Variants in MAMDC2 observed in about 807,000 individuals in gnomAD.
The protein encoded by MAMDC2 is MAM domain containing 2, also known as MAM domain-containing protein 2.
In MAMDC2, 57 loss-of-function variants were observed where a neutral mutation model predicts 89.8. The ratio of observed to expected loss-of-function variants is 0.63; its 90% confidence interval spans 0.51 to 0.79. The LOEUF is 0.79. Among genes scored for constraint, MAMDC2 ranks in the 30% least tolerant of loss-of-function variants. The pLI is 0.00. For missense variants in MAMDC2, 800 were observed against 820.6 expected (o/e 0.97, Z 0.31); for synonymous variants, 313 against 293.4 (o/e 1.07, Z -0.68).
chr9:70,198,449 G>A (rs1184193254), intron 11 of MAMDC2, among the ~76,000 whole-genome samples: 2 of 151,992 alleles, frequency 1.3e-5, no homozygotes, highest in Non-Finnish European at 2.9e-5. Flanking sequence ...ATTAGTTTTA[G>A]TTGACCTGGA....
In MAMDC2 at chr9:70,113,049, A is replaced by G. The variant is rs772669965; in HGVS notation, c.560A>G (p.Asn187Ser). 1.1e-5 allele frequency: 17 copies of G among 1,614,022 alleles called. No homozygotes were observed. Among genetic ancestry groups the G allele is most frequent in the Admixed American group, 8.3e-5 (5 of 59,998 alleles). The change falls in exon 5 of 14, where the codon AAT (asparagine) becomes AGT (serine). Residue 187 changes from asparagine to serine, a missense_variant. Physicochemically the swap from Asn to Ser is conservative, Grantham distance 46 (BLOSUM62 1). Transcript: ENST00000377182. ...LCGFVNRWNP[N>S]VNWFVGGGSI... ...GGCTTTGTGAACCGCTGGAATCCCA[A>G]TGTGAACTGGTTTGTTGGAGGAGGA...
At chr9:70,090,829 AG>A in intron 2 of MAMDC2, 1 of 152,308 alleles carries the variant, frequency 6.6e-6, no homozygotes, top group Admixed American at 6.5e-5. Flanking sequence ...TGCTTTTAAT[AG>A]CTTAAGATTG....
intron 11 of MAMDC2, chr9:70,217,337 A>C: frequency 3.6e-6 from 5 of 1,396,654 alleles, no homozygotes; most frequent in African/African-American, 1.4e-5. Flanking sequence ...AATCCTTGGC[A>C]GATAAACTGG....
chr9:70,225,666 A>G lies in MAMDC2; in HGVS notation c.1912-84A>G, dbSNP rs539159260. 65 of 816,890 alleles carry G rather than the reference A, an allele frequency of 8.0e-5. 1 individual carries two copies. In the African/African-American group the frequency reaches 1.1e-3, roughly 13 times the overall value. 50.6% of individuals were successfully genotyped at this position (816,890 alleles called of 1,614,324 possible). A position where few individuals can be genotyped will look rare whatever the true frequency, so the allele number is the denominator to read the frequency against. ...ATCCTCAAGAGCAATCTACGTTTTC[A>G]TATTTACAAAGCCTGGATCTGCCCT... On this transcript the variant is annotated intron_variant, in intron 12 of 13. Coordinates refer to ENST00000377182, the MANE Select transcript of MAMDC2 (RefSeq NM_153267.5).
intron 5 of MAMDC2, among the ~76,000 whole-genome samples, chr9:70,124,767 G>A (rs983162890): frequency 6.6e-6 from 1 of 152,176 alleles, no homozygotes; most frequent in Non-Finnish European, 1.5e-5. Flanking sequence ...GTACAGTGGT[G>A]TGATCATAGC....
At chr9:70,052,859 A>G (rs1468555975) in intron 2 of MAMDC2, among the ~76,000 whole-genome samples, 1 of 152,234 alleles carries the variant, frequency 6.6e-6, no homozygotes, top group African/African-American at 2.4e-5. Context: ...GCAAAGCAGT[A>G]TTACAGCTTG....
intron 11 of MAMDC2, among the ~76,000 whole-genome samples, chr9:70,181,878 AC>A (rs2118577485): frequency 6.6e-6 from 1 of 152,292 alleles, no homozygotes; most frequent in East Asian, 1.9e-4. Context: ...CCTGGACAGA[AC>A]TTCCAATACT....
intron 2 of MAMDC2, among the ~76,000 whole-genome samples, chr9:70,103,033 T>C (rs1828236714): frequency 6.6e-6 from 1 of 152,184 alleles, no homozygotes; most frequent in Non-Finnish European, 1.5e-5. Context: ...AGGGAGTATG[T>C]CAGCAAGAGT....
intron 11 of MAMDC2, among the ~76,000 whole-genome samples, chr9:70,208,771 T>G (rs1364911099): frequency 6.6e-6 from 1 of 151,954 alleles, no homozygotes; most frequent in African/African-American, 2.4e-5. Flanking sequence ...GCTGTGGGTT[T>G]GTCATAGATA....
chr9:70,106,730 G>A (rs767959892), intron 2 of MAMDC2, among the ~76,000 whole-genome samples: 16 of 152,322 alleles, frequency 1.1e-4, no homozygotes, highest in Middle Eastern at 3.4e-3. Context: ...AGAAGCAATT[G>A]CTATCTGCAC....
intron 8 of MAMDC2, 55 bp from the exon 9 acceptor site, chr9:70,143,499 T>G: frequency 5.1e-6 from 8 of 1,556,018 alleles, no homozygotes; most frequent in Non-Finnish European, 7.0e-6. Flanking sequence ...TTTTACCACT[T>G]GCTAATCTAG....
At chr9:70,059,146 G>A (rs918710832) in intron 2 of MAMDC2, among the ~76,000 whole-genome samples, 3 of 152,110 alleles carry the variant, frequency 2.0e-5, no homozygotes, top group African/African-American at 7.2e-5. Context: ...GAACTCAAAC[G>A]GGTAGCGAGG....
chr9:70,137,842 A>C (rs1051633872), intron 7 of MAMDC2, among the ~76,000 whole-genome samples: 1 of 152,170 alleles, frequency 6.6e-6, no homozygotes, highest in Admixed American at 6.5e-5. Flanking sequence ...TAAGAGGGCA[A>C]TCTGAACAGT....
chr9:70,151,999 A>G (rs2031596940), intron 9 of MAMDC2, among the ~76,000 whole-genome samples: 1 of 152,066 alleles, frequency 6.6e-6, no homozygotes, highest in African/African-American at 2.4e-5. Context: ...GAGTTGTCAC[A>G]TGTGACCAGA....
chr9:70,142,042 T>C (rs2118410301), intron 8 of MAMDC2, among the ~76,000 whole-genome samples: 1 of 152,298 alleles, frequency 6.6e-6, no homozygotes, highest in Admixed American at 6.5e-5. Context: ...TACCTCAAAA[T>C]AATCAAAATG....
At chr9:70,217,501 G>A in intron 11 of MAMDC2, 1 of 1,505,290 alleles carries the variant, frequency 6.6e-7, no homozygotes, top group Non-Finnish European at 9.2e-7. Context: ...AGTTAGAAAG[G>A]CTCAACGAGA....
intron 8 of MAMDC2, among the ~76,000 whole-genome samples, 188 bp downstream of exon 8, chr9:70,140,476 A>T (rs947950872): frequency 2.6e-5 from 4 of 152,230 alleles, no homozygotes; most frequent in Non-Finnish European, 5.9e-5. Context: ...GTTAACAAAC[A>T]TATTTGCTAG....
chr9:70,073,826 A>G (rs1285251843), intron 2 of MAMDC2, among the ~76,000 whole-genome samples: 1 of 152,106 alleles, frequency 6.6e-6, no homozygotes, highest in African/African-American at 2.4e-5. Context: ...TGTCTTATCC[A>G]TGTTTGTCTC....
At chr9:70,151,793 A>T (rs1284998125) in intron 9 of MAMDC2, among the ~76,000 whole-genome samples, 2 of 152,148 alleles carry the variant, frequency 1.3e-5, no homozygotes, top group African/African-American at 4.8e-5. Context: ...TTGACATTTT[A>T]GAATGCAGTC....
Sources: allele counts gnomAD v4.1 joint callset (sites outside exome capture counted in the v4.1 genomes callset), GRCh38; gene constraint gnomAD v4.1.1; transcripts MANE v1.5; gene names NCBI Gene and HGNC (gene_info 2026-07-23, HGNC 2026-07-21).